The following COL4A4 variants were observed in gnomAD, a reference collection of about 807,000 sequenced individuals.
COL4A4 encodes the protein collagen alpha-4(IV) chain.
In COL4A4, 105 loss-of-function variants were observed where a neutral mutation model predicts 192.9. The observed-to-expected ratio is 0.54, with a 90% CI of 0.46 to 0.64. COL4A4 has a LOEUF of 0.64. Among genes scored for constraint, COL4A4 ranks in the 30% least tolerant of loss-of-function variants. COL4A4 has a pLI of 0.00. For synonymous variants in COL4A4, 762 were observed against 769.9 expected (o/e 0.99, Z 0.17); for missense variants, 1,967 against 2,169.3 (o/e 0.91, Z 1.85).
At chr2:227,012,786 A>AT (rs1198337590) in intron 44 of COL4A4, among the ~76,000 whole-genome samples, 1 of 152,110 alleles carries the variant, frequency 6.6e-6, no homozygotes, top group Admixed American at 6.5e-5. Flanking sequence ...AGGTGCAGCA[A>AT]TTTTTTAAAA....
intron 44 of COL4A4, among the ~76,000 whole-genome samples, chr2:227,017,587 C>T (rs1049889360): frequency 6.6e-6 from 1 of 152,118 alleles, no homozygotes; most frequent in East Asian, 1.9e-4. Context: ...CTTTGAGGGC[C>T]GCCCTGGAAG....
In COL4A4 at chr2:227,100,448, TAAC is replaced by T. The variant is rs563595087; in HGVS notation, c.1030-762_1030-760del. On this transcript the variant is annotated intron_variant, in intron 17 of 47. Transcript: ENST00000396625. ...CTTATAAAAAATATTTTAAAAAAAA[TAAC>T]AATCCAATGATAAAAATAATAAAAC... Among the ~76,000 whole-genome samples, 399 of 151,832 alleles carry T rather than the reference TAAC, an allele frequency of 2.6e-3. 2 individuals carry two copies. The highest frequency in any genetic ancestry group is 8.6e-3 in the African/African-American group (356 of 41,326).
At chr2:227,081,304 G>A (rs2059312651) in intron 23 of COL4A4, among the ~76,000 whole-genome samples, 2 of 152,240 alleles carry the variant, frequency 1.3e-5, no homozygotes, top group Non-Finnish European at 1.5e-5. Flanking sequence ...GAACAAAGCA[G>A]GTGGAAGAAG....
chr2:227,036,273 C>A (rs561706966), intron 37 of COL4A4, among the ~76,000 whole-genome samples: 2 of 152,322 alleles, frequency 1.3e-5, no homozygotes, highest in East Asian at 3.9e-4. Flanking sequence ...AGCCAGCGAA[C>A]TCTTTATGAC....
intron 44 of COL4A4, among the ~76,000 whole-genome samples, chr2:227,021,027 T>G (rs1367412847): frequency 1.3e-5 from 2 of 151,536 alleles, no homozygotes; most frequent in Admixed American, 1.3e-4. Flanking sequence ...CACCAAGCCC[T>G]GCTAATTTTT....
Position 227,041,797 on chromosome 2 carries a change from A to AAAGG in COL4A4, c.3505+350_3505+351insCCTT, listed in dbSNP as rs1491112387. On this transcript the variant is annotated intron_variant, in intron 37 of 47. Coordinates refer to ENST00000396625, the MANE Select transcript of COL4A4 (RefSeq NM_000092.5). Reference sequence around the variant, plus strand: ...AAGGAAGGAAGGAAGGGAAAGAAAGAAAGAAAGGAAGAAAGAAAGAAAGAA... The same window carrying AAAGG: ...AAGGAAGGAAGGAAGGGAAAGAAAGAAAGGAAGAAAGGAAGAAAGAAAGAAAGAA... Among the ~76,000 whole-genome samples, 176 of 56,970 alleles carry AAAGG rather than the reference A, an allele frequency of 3.1e-3. 13 individuals carry two copies. The highest frequency in any genetic ancestry group is 9.0e-3 in the African/African-American group (107 of 11,838). The allele number at this position is 56,970 out of a possible 152,430, so 37.4% of individuals were successfully genotyped here.
At chr2:227,021,505 A>T (rs1374399880) in intron 44 of COL4A4, among the ~76,000 whole-genome samples, 1 of 152,164 alleles carries the variant, frequency 6.6e-6, no homozygotes, top group Non-Finnish European at 1.5e-5. Context: ...CAAGAATGAA[A>T]GATTTAAGTA....
At chr2:227,050,001 G>A in intron 34 of COL4A4, 67 bp downstream of exon 34, 1 of 1,480,572 alleles carries the variant, frequency 6.8e-7, no homozygotes, top group Non-Finnish European at 9.4e-7. Flanking sequence ...AAAGGCACTT[G>A]TTTACAATGT....
At chr2:227,133,578 C>A (rs1458040034) in intron 4 of COL4A4, among the ~76,000 whole-genome samples, 1 of 152,132 alleles carries the variant, frequency 6.6e-6, no homozygotes, top group African/African-American at 2.4e-5. Flanking sequence ...CTCTCTAGGC[C>A]TCCCAAACCC....
In COL4A4 at chr2:227,043,425, G is replaced by C. The variant is rs114011631; in HGVS notation, c.3290-241C>G. On this transcript the variant is annotated intron_variant, in intron 35 of 47. Coordinates refer to ENST00000396625, the MANE Select transcript of COL4A4 (RefSeq NM_000092.5). ...ATAATACCCACAATTTTATATTCTG[G>C]TTTTTAAAATTAGTGTTGTATCATA... 5.9e-3 allele frequency among the ~76,000 whole-genome samples: 894 copies of C among 152,174 alleles called. 10 individuals are homozygous for C. The highest frequency in any genetic ancestry group is 0.02 in the African/African-American group (842 of 41,526).
At chr2:226,995,766 C>G in the COL4A4 span, 1 of 499,166 alleles carries the variant, frequency 2.0e-6, no homozygotes, top group Non-Finnish European at 3.5e-6. Context: ...CATGAAGAGA[C>G]CAGTTTCCAC....
the COL4A4 span, among the ~76,000 whole-genome samples, chr2:226,988,930 G>A: frequency 6.6e-6 from 1 of 152,206 alleles, no homozygotes; most frequent in Non-Finnish European, 1.5e-5. Context: ...ACTATTTGCA[G>A]TGAGCCTTAT....
downstream of COL4A4, among the ~76,000 whole-genome samples, chr2:227,002,413 G>GAGAC (rs1185565611): frequency 1.3e-5 from 2 of 152,168 alleles, no homozygotes; most frequent in African/African-American, 4.8e-5. Flanking sequence ...CTCAACTAAT[G>GAGAC]AGACAGCTGA....
At chr2:227,151,175 A>G (rs2063917131) in intron 1 of COL4A4, among the ~76,000 whole-genome samples, 2 of 152,274 alleles carry the variant, frequency 1.3e-5, no homozygotes, top group African/African-American at 4.8e-5. Flanking sequence ...TCCTAATGCA[A>G]TGTATTTCCA....
chr2:227,091,302 A>AG (rs1466573926), intron 20 of COL4A4, among the ~76,000 whole-genome samples: 323 of 151,032 alleles, frequency 2.1e-3, no homozygotes, highest in African/African-American at 3.5e-3. Context: ...ATATAGATAT[A>AG]AATAGATCAT....
chr2:227,151,635 C>A (rs187888193), intron 1 of COL4A4, among the ~76,000 whole-genome samples: 22 of 152,354 alleles, frequency 1.4e-4, no homozygotes, highest in African/African-American at 5.3e-4. Context: ...ATGTTTGTGT[C>A]CTGCACCTCC....
the COL4A4 span, among the ~76,000 whole-genome samples, chr2:226,970,462 A>G: frequency 1.3e-5 from 2 of 152,078 alleles, no homozygotes; most frequent in Admixed American, 1.3e-4. Context: ...TTATCTGTAC[A>G]TGAAGCATCC....
rs115263982 is a variant in COL4A4 at position 227,143,971 on chromosome 2, C to A, written c.114+545G>T. ...ACAATAACTTGATTCACTGAAATTG[C>A]ATTGGGTGAATCCAAGGTGGAGAGT... On this transcript the variant is annotated intron_variant, in intron 3 of 47. Coordinates refer to ENST00000396625, the MANE Select transcript of COL4A4 (RefSeq NM_000092.5). Among the ~76,000 whole-genome samples the A allele has an allele frequency of 8.1e-3, 1,241 of 152,310 alleles. 23 individuals are homozygous for A. Among genetic ancestry groups the A allele is most frequent in the African/African-American group, 0.028 (1,179 of 41,564 alleles).
rs1559488110 is a variant in COL4A4 at position 227,045,848 on chromosome 2, ACAC to A, written c.3289+1624_3289+1626del. ...TATATATATACACACATATATATATACACATATATATATACACATATATATACA... is the reference window on the plus strand; with the variant it reads ...TATATATATACACACATATATATATAATATATATATACACATATATATACA... On this transcript the variant is annotated intron_variant, in intron 35 of 47. Coordinates refer to ENST00000396625, the MANE Select transcript of COL4A4 (RefSeq NM_000092.5). Among the ~76,000 whole-genome samples the A allele has an allele frequency of 3.9e-4, 26 of 65,880 alleles. 3 individuals carry two copies. The highest frequency in any genetic ancestry group is 1.3e-3 in the African/African-American group (18 of 13,660). The allele number at this position is 65,880 out of a possible 152,430, so 43.2% of individuals were successfully genotyped here. A position where few individuals can be genotyped will look rare whatever the true frequency, so the allele number is the denominator to read the frequency against.
Sources: allele counts gnomAD v4.1 joint callset (sites outside exome capture counted in the v4.1 genomes callset), GRCh38; gene constraint gnomAD v4.1.1; transcripts MANE v1.5; gene names NCBI Gene and HGNC (gene_info 2026-07-23, HGNC 2026-07-21).